Variants in PCDHA11 observed in about 807,000 individuals in gnomAD.
PCDHA11 encodes protocadherin alpha-11.
In PCDHA11, 61 loss-of-function variants were observed where a neutral mutation model predicts 70.3. The observed-to-expected ratio is 0.87, with a 90% CI of 0.71 to 1.07. The LOEUF is 1.07. Ranked by LOEUF, PCDHA11 falls within the 50% of genes least tolerant of loss-of-function variation. The pLI, the probability that PCDHA11 is intolerant of heterozygous loss-of-function variation, is 0.00. For missense variants in PCDHA11, 1,324 were observed against 1,237.5 expected (o/e 1.07, Z -1.05); for synonymous variants, 633 against 555.1 (o/e 1.14, Z -1.97).
rs373157192 is a variant in PCDHA11 at position 140,869,487 on chromosome 5, C to T, written c.384C>T (p.Asp128=). Residue 128 remains aspartate (D), a synonymous_variant, in exon 1 of 4, where the codon GAC becomes GAT. Transcript: ENST00000398640. ...ACGTGGAGGTGAAGGACATTAACGA[C>T]AACCCGCCGGTGTTCTCGCTCAGAG... ...HVNVEVKDIN[D]NPPVFSLREQ... The T allele has an allele frequency of 5.2e-5, 84 of 1,614,180 alleles. No homozygotes were observed. The African/African-American group carries it at 8.9e-4, about 17-fold the overall frequency.
chr5:140,967,278 G>T, intron 1 of PCDHA11: 1 of 1,613,408 alleles, frequency 6.2e-7, no homozygotes, highest in Non-Finnish European at 8.5e-7. Context: ...CACATAGAGA[G>T]TGCGCAGGAC....
chr5:140,925,100 A>AGGAG (rs1217709299), intron 1 of PCDHA11, among the ~76,000 whole-genome samples: 12 of 151,586 alleles, frequency 7.9e-5, no homozygotes, highest in Admixed American at 1.3e-4. Context: ...GAAGGAAGGA[A>AGGAG]GGAAGGAGGG....
chr5:140,969,047 A>C, intron 1 of PCDHA11: 1 of 1,614,152 alleles, frequency 6.2e-7, no homozygotes, highest in Non-Finnish European at 8.5e-7. Flanking sequence ...CAAACAAGCC[A>C]ACAACAATAT....
At chr5:140,927,760 A>G in intron 1 of PCDHA11, 1 of 1,614,206 alleles carries the variant, frequency 6.2e-7, no homozygotes, top group Non-Finnish European at 8.5e-7. Context: ...GCACCCTAAA[A>G]GTGGGGAGGT....
At chr5:140,889,332 G>T (rs1387530088) in intron 1 of PCDHA11, among the ~76,000 whole-genome samples, 1 of 151,982 alleles carries the variant, frequency 6.6e-6, no homozygotes, top group African/African-American at 2.4e-5. Flanking sequence ...TCAGGATTTT[G>T]ATTGGTGGGA....
intron 1 of PCDHA11, chr5:140,883,418 C>T: frequency 6.2e-7 from 1 of 1,614,172 alleles, no homozygotes; most frequent in Non-Finnish European, 8.5e-7. Flanking sequence ...CTCAAATGGA[C>T]AGGTCACCTG....
chr5:140,898,056 T>A (rs1330796298), intron 1 of PCDHA11, among the ~76,000 whole-genome samples: 5 of 152,202 alleles, frequency 3.3e-5, no homozygotes, highest in Admixed American at 3.3e-4. Context: ...TTCTTGTAAA[T>A]TTGTTTGAGT....
chr5:140,890,739 C>T (rs1202760840), intron 1 of PCDHA11, among the ~76,000 whole-genome samples: 1 of 152,112 alleles, frequency 6.6e-6, no homozygotes, highest in Non-Finnish European at 1.5e-5. Flanking sequence ...GACTTATATA[C>T]TATTTCTGTC....
In PCDHA11 at chr5:140,876,048, T is replaced by A. The variant is rs376201695; in HGVS notation, c.2391+4554T>A. 5 of 1,613,812 alleles carry A rather than the reference T, an allele frequency of 3.1e-6. No individual in the cohort carries two copies. In the African/African-American group the frequency reaches 5.3e-5, roughly 17 times the overall value. On this transcript the variant is annotated intron_variant, in intron 1 of 3. Transcript: ENST00000398640. ...CAAAAAAAGATAAAAGTATATTGCC[T>A]GAATTAGTTCTTCGGAAGTTATTGG...
At chr5:140,972,660 A>ATTTTTT (rs11350929) in intron 1 of PCDHA11, among the ~76,000 whole-genome samples, 2 of 117,268 alleles carry the variant, frequency 1.7e-5, no homozygotes, top group African/African-American at 3.3e-5. Context: ...AAGAAACCAA[A>ATTTTTT]TTTTTTTTTT....
intron 1 of PCDHA11, among the ~76,000 whole-genome samples, chr5:140,875,128 C>A (rs1554167491): frequency 6.6e-6 from 1 of 152,068 alleles, no homozygotes; most frequent in East Asian, 1.9e-4. Context: ...ATTAACTAAA[C>A]CCGCATTTAT....
intron 1 of PCDHA11, among the ~76,000 whole-genome samples, chr5:140,957,864 A>G (rs1554223166): frequency 6.6e-6 from 1 of 151,762 alleles, no homozygotes; most frequent in Admixed American, 6.6e-5. Flanking sequence ...TTTTTTTCCT[A>G]TTTTGTGCTG....
chr5:140,961,255 C>G (rs1446798989), intron 1 of PCDHA11, among the ~76,000 whole-genome samples: 1 of 152,164 alleles, frequency 6.6e-6, no homozygotes, highest in African/African-American at 2.4e-5. Context: ...TCCGAAGCTC[C>G]AGGAAGCTTC....
Position 141,010,126 on chromosome 5 carries a change from C to G in PCDHA11, c.*189C>G, listed in dbSNP as rs2098416139. ...TTTTGTCGTAAAAGCTTTACTAAGT[C>G]TGGTGTTAACTCTTTCTCTCCACTC... On this transcript the variant is annotated 3_prime_UTR_variant, in exon 4 of 4. Coordinates refer to ENST00000398640, the MANE Select transcript of PCDHA11 (RefSeq NM_018902.5). 1 of 1,602,246 alleles carries G rather than the reference C, an allele frequency of 6.2e-7. No homozygotes were observed. The highest frequency in any genetic ancestry group is 8.5e-7 in the Non-Finnish European group (1 of 1,173,654).
intron 1 of PCDHA11, chr5:140,969,449 AG>A (rs1470034134): frequency 2.8e-5 from 43 of 1,510,842 alleles, no homozygotes; most frequent in Non-Finnish European, 3.2e-5. Flanking sequence ...TGGTAAACTG[AG>A]TATATATAGT....
At chr5:140,971,466 G>A (rs928383559) in intron 1 of PCDHA11, among the ~76,000 whole-genome samples, 2 of 152,144 alleles carry the variant, frequency 1.3e-5, no homozygotes, top group Non-Finnish European at 2.9e-5. Flanking sequence ...GCAGTTATAG[G>A]GAGAGAGTGT....
intron 3 of PCDHA11, among the ~76,000 whole-genome samples, chr5:140,995,873 C>T (rs1554254864): frequency 6.6e-6 from 1 of 152,126 alleles, no homozygotes; most frequent in Non-Finnish European, 1.5e-5. Flanking sequence ...AATTGTGCAA[C>T]CTGTGCTTCA....
chr5:140,920,841 TAA>T (rs781921146), intron 1 of PCDHA11, among the ~76,000 whole-genome samples: 15 of 109,130 alleles, frequency 1.4e-4, no homozygotes, highest in Admixed American at 1.9e-4. Flanking sequence ...AGACCAAATC[TAA>T]AAAAAAAAAA....
At chr5:140,985,203 T>C (rs1274620928) in intron 3 of PCDHA11, among the ~76,000 whole-genome samples, 1 of 152,092 alleles carries the variant, frequency 6.6e-6, no homozygotes, top group Non-Finnish European at 1.5e-5. Flanking sequence ...TCCCAAAGTG[T>C]TGGGATTACA....
Sources: allele counts gnomAD v4.1 joint callset (sites outside exome capture counted in the v4.1 genomes callset), GRCh38; gene constraint gnomAD v4.1.1; transcripts MANE v1.5; gene names NCBI Gene and HGNC (gene_info 2026-07-23, HGNC 2026-07-21).